The following NEB variants were observed in gnomAD, a reference collection of about 807,000 sequenced individuals.
NEB encodes the protein nebulin, also known as nemaline myopathy type 2.
NEB carries 512 observed loss-of-function variants against 952.2 expected under a neutral mutation model. That is an observed-to-expected ratio of 0.54 (90% confidence interval 0.50 to 0.58). The LOEUF is 0.58. Ranked by LOEUF, NEB falls within the 20% of genes least tolerant of loss-of-function variation. The probability of loss-of-function intolerance (pLI) is 0.00; values close to 1 mark genes in which losing one functional copy is unlikely to be tolerated. For synonymous variants in NEB, 2,900 were observed against 3,149.8 expected (o/e 0.92, Z 2.66); for missense variants, 8,428 against 9,231.1 (o/e 0.91, Z 3.56).
rs1174567680 is a variant in NEB, at chr2:151,490,399, C to T, written c.25270G>A (p.Asp8424Asn). The T allele has an allele frequency of 2.5e-6, 4 of 1,592,886 alleles. No homozygotes were observed. The African/African-American group carries it at 5.4e-5, about 21-fold the overall frequency. ...GTTGAGACTGCAAAGACACCCCCGTCGCTGTAAGTCGAAAGGTGGTGGTCT... is the reference window on the plus strand; with the variant it reads ...GTTGAGACTGCAAAGACACCCCCGTTGCTGTAAGTCGAAAGGTGGTGGTCT... ...APDHHLSTYS[D>N]GGVFAVSTAY... The change falls in exon 180 of 182, where the codon GAC (aspartate) becomes AAC (asparagine). Residue 8424 changes from aspartate (D) to asparagine (N), a missense_variant. Asp to Asn is a conservative substitution (Grantham distance 23). Transcript: ENST00000397345.
intron 135 of NEB, 55 bp from the exon 136 acceptor site, chr2:151,541,606 C>G: frequency 7.4e-7 from 1 of 1,356,418 alleles, no homozygotes; most frequent in Non-Finnish European, 1.1e-6. Flanking sequence ...ATGTTATGTT[C>G]TCTGCAGATG....
rs150452058 is a variant in NEB, at chr2:151,709,152, G to A, written c.1035+504C>T. Among the ~76,000 whole-genome samples the A allele has an allele frequency of 3.0e-3, 464 of 152,254 alleles. 2 individuals carry two copies. Among genetic ancestry groups the A allele is most frequent in the African/African-American group, 0.011 (446 of 41,542 alleles). On this transcript the variant is annotated intron_variant, in intron 12 of 181. Coordinates refer to ENST00000397345, the MANE Select transcript of NEB (RefSeq NM_001164508.2). The stretch of plus-strand genomic sequence containing the variant: ...AATATCCATGGATTTATGAACCTGC[G>A]ACCAGGTTTTTTCATAGTCAGTGGG...
Position 151,723,489 on chromosome 2 carries a change from A to G in NEB, c.613-3T>C. The G allele has an allele frequency of 1.9e-6, 3 of 1,594,516 alleles. No homozygotes were observed. The highest frequency in any genetic ancestry group is 2.6e-6 in the Non-Finnish European group (3 of 1,168,226). Reference sequence around the variant, plus strand: ...TCCCAGTCTTCAGTGTACAGTTTCTAAATCAAAAAAGAGTGAAAAGTTAGG... The same window carrying G: ...TCCCAGTCTTCAGTGTACAGTTTCTGAATCAAAAAAGAGTGAAAAGTTAGG... On this transcript the variant is annotated splice_region_variant and splice_polypyrimidine_tract_variant and intron_variant, in intron 8 of 181. Coordinates refer to ENST00000397345, the MANE Select transcript of NEB (RefSeq NM_001164508.2).
At chr2:151,717,954 G>A (rs1038745413) in intron 9 of NEB, among the ~76,000 whole-genome samples, 1 of 150,920 alleles carries the variant, frequency 6.6e-6, no homozygotes, top group Admixed American at 6.6e-5. Flanking sequence ...CCTGGGTTCA[G>A]GCCATTCTCC....
At chr2:151,690,337 CCTTT>C (rs2099538515) in intron 24 of NEB, 1 of 206,566 alleles carries the variant, frequency 4.8e-6, no homozygotes, top group Non-Finnish European at 9.9e-6. Flanking sequence ...GTTACTGTGC[CCTTT>C]CTTTTTGCAA....
chr2:151,496,813 G>T, intron 172 of NEB, 128 bp downstream of exon 172: 1 of 1,185,946 alleles, frequency 8.4e-7, no homozygotes, highest in Non-Finnish European at 1.2e-6. Context: ...AGGAAAAAAG[G>T]ATAAATTTGC....
At chr2:151,616,887 T>C (rs1008364476) in intron 75 of NEB, among the ~76,000 whole-genome samples, 25 of 152,344 alleles carry the variant, frequency 1.6e-4, no homozygotes, top group Admixed American at 4.6e-4. Context: ...CGGACAATGA[T>C]TCATATATGG....
chr2:151,724,779 C>T, intron 7 of NEB, 78 bp downstream of exon 7: 1 of 1,234,348 alleles, frequency 8.1e-7, no homozygotes, highest in African/African-American at 1.5e-5. Context: ...TCAGGCCTGT[C>T]CAATTTTCTC....
chr2:151,550,679 C>A (rs2095266415), intron 129 of NEB, among the ~76,000 whole-genome samples: 1 of 152,086 alleles, frequency 6.6e-6, no homozygotes, highest in African/African-American at 2.4e-5. Context: ...ACTGTGTCAC[C>A]CAGACTGTAG....
At chr2:151,733,257 T>A in intron 2 of NEB, 72 bp from the exon 3 acceptor site, 1 of 1,093,928 alleles carries the variant, frequency 9.1e-7, no homozygotes, top group Non-Finnish European at 1.3e-6. Context: ...TATGACATTA[T>A]AAAAATAGAA....
In NEB at chr2:151,679,941, C is replaced by A. The variant is rs1328334126; in HGVS notation, c.3124G>T (p.Val1042Phe). The A allele has an allele frequency of 1.2e-6, 2 of 1,613,574 alleles. No homozygotes were observed. The highest frequency in any genetic ancestry group is 1.7e-6 in the Non-Finnish European group (2 of 1,179,464). The change falls in exon 31 of 182, where the codon GTT becomes TTT. Residue 1042 changes from valine to phenylalanine, a missense_variant. By Grantham distance (50) the Val-to-Phe change is conservative. Around this residue, in one of 11 missense-constraint regions of NEB, gnomAD observed 2,851 missense variants for 2,791.5 expected, o/e 1.02. Coordinates refer to ENST00000397345, the MANE Select transcript of NEB (RefSeq NM_001164508.2). ...PDLPQFIQAK[V>F]NAYNISENMY... ...ACCTCACTGATATTGTAGGCATTAA[C>A]TTTAGCCTGGATGAACTGGGGCAGG...
chr2:151,625,820 A>G (rs1338431393), intron 70 of NEB, among the ~76,000 whole-genome samples, 182 bp from the exon 71 acceptor site: 3 of 152,200 alleles, frequency 2.0e-5, no homozygotes, highest in African/African-American at 4.8e-5. Context: ...ATAAATGTAT[A>G]CTAAGATATG....
chr2:151,566,113 G>A (rs1366474923), intron 114 of NEB, among the ~76,000 whole-genome samples: 1 of 152,220 alleles, frequency 6.6e-6, no homozygotes, highest in African/African-American at 2.4e-5. Context: ...TTGGAGTTGA[G>A]GGGAAGGGGC....
rs1053445991 is a variant in NEB at position 151,552,916 on chromosome 2, A to G, written c.19732-140T>C. ...ACTCAACAGACCGAGATGCATTTGA[A>G]TTTTATAACAGTGTAACCAACACTT... is the stretch of plus-strand genomic sequence containing the variant. On this transcript the variant is annotated intron_variant, in intron 127 of 181. Coordinates refer to ENST00000397345, the MANE Select transcript of NEB (RefSeq NM_001164508.2). 8 of 619,084 alleles carry G rather than the reference A, an allele frequency of 1.3e-5. No individual in the cohort carries two copies. The African/African-American group carries it at 1.5e-4, about 11-fold the overall frequency. The allele number at this position is 619,084 out of a possible 1,614,324, so 38.3% of individuals were successfully genotyped here.
chr2:151,680,744 C>A lies in NEB; in HGVS notation c.3028G>T (p.Ala1010Ser), dbSNP rs770003609. The part of the protein sequence containing the change: ...PITVQSKINQ[A>S]QRSDIAYKAK... ...TTAACACTTACATCACTCCTCTGGGCCTGGTTAATTTTAGACTGTACTGTA... is the reference window on the plus strand; with the variant it reads ...TTAACACTTACATCACTCCTCTGGGACTGGTTAATTTTAGACTGTACTGTA... Residue 1010 changes from alanine to serine, a missense_variant, in exon 30 of 182, where the codon GCC (alanine) becomes TCC (serine). This residue lies in a region of NEB where 2,851 missense variants were observed against 2,791.5 expected (regional missense o/e 1.02). Transcript: ENST00000397345. 6.2e-7 allele frequency: 1 copy of A among 1,604,470 alleles called. No individual in the cohort carries two copies. The highest frequency in any genetic ancestry group is 1.3e-5 in the African/African-American group (1 of 74,776).
At position 151,560,486 on chromosome 2, in the gene NEB, A is replaced by T. The variant is rs2095963727; in HGVS notation, c.19314+106T>A. 7.2e-6 allele frequency: 6 copies of T among 838,746 alleles called. No homozygotes were observed. The South Asian group carries it at 7.3e-5, about 10-fold the overall frequency. 52.0% of individuals were successfully genotyped at this position (838,746 alleles called of 1,614,324 possible). A position where few individuals can be genotyped will look rare whatever the true frequency, so the allele number is the denominator to read the frequency against. On this transcript the variant is annotated intron_variant, in intron 124 of 181. Transcript: ENST00000397345. ...TCCTGGACATGCCCACGGGAGTGCTAGGGGTACTTCTGGACAACGTATGAA... is the reference window on the plus strand; with the variant it reads ...TCCTGGACATGCCCACGGGAGTGCTTGGGGTACTTCTGGACAACGTATGAA...
intron 64 of NEB, 45 bp from the exon 65 acceptor site, chr2:151,634,010 G>A (rs769897624): frequency 2.5e-6 from 4 of 1,575,442 alleles, no homozygotes; most frequent in Non-Finnish European, 3.5e-6. Context: ...TAACCCCTTA[G>A]AGGCCACAAG....
rs1047014101 is a variant in NEB, at chr2:151,662,157, T to C, written c.5948A>G (p.Asn1983Ser). 4 of 1,613,174 alleles carry C rather than the reference T, an allele frequency of 2.5e-6. No individual in the cohort carries two copies. Among genetic ancestry groups the C allele is most frequent in the African/African-American group, 1.3e-5 (1 of 74,904 alleles). Residue 1983 changes from asparagine (N) to serine (S), a missense_variant, in exon 46 of 182, where the codon AAT (asparagine) becomes AGT (serine). Around this residue, in one of 11 missense-constraint regions of NEB, gnomAD observed 2,851 missense variants for 2,791.5 expected, o/e 1.02. Coordinates refer to ENST00000397345, the MANE Select transcript of NEB (RefSeq NM_001164508.2). ...TACTTCGTTCATAATTTTTGCATTA[T>C]TCTGGGCCAAAACCATGTTCATCGA... is the stretch of plus-strand genomic sequence containing the variant. ...MDSMNMVLAQ[N>S]NAKIMNEHLY...
In NEB at chr2:151,552,612, C is replaced by T. The variant is rs892810519; in HGVS notation, c.19836+60G>A. 2.4e-6 allele frequency: 3 copies of T among 1,252,558 alleles called. No individual in the cohort carries two copies. The African/African-American group carries it at 4.4e-5, about 18-fold the overall frequency. 77.6% of individuals were successfully genotyped at this position (1,252,558 alleles called of 1,614,324 possible). ...GCCCAGTCTATGGTTTTTGCCACCT[C>T]TGCTTGAGTGGTGGCCCTGCTTTAT... On this transcript the variant is annotated intron_variant, in intron 128 of 181. Transcript: ENST00000397345.
Sources: gnomAD v4.1 joint callset for allele counts (sites outside exome capture counted in the v4.1 genomes callset) on GRCh38, gnomAD v4.1.1 for gene constraint, gnomAD v4.1.1 regional missense constraint, MANE v1.5 for transcripts, NCBI Gene and HGNC (gene_info 2026-07-23, HGNC 2026-07-21) for gene names.